Variants in MSRB3 observed in about 807,000 individuals in gnomAD.
MSRB3 encodes the protein methionine sulfoxide reductase B3.
Under a neutral mutation model 21.0 loss-of-function variants are expected in MSRB3, and 13 were observed. The observed-to-expected ratio is 0.62, with a 90% CI of 0.40 to 0.98. The LOEUF (loss-of-function observed/expected upper bound fraction) is 0.98. Ranked by LOEUF, MSRB3 falls within the 50% of genes least tolerant of loss-of-function variation. The pLI is 0.00. For synonymous variants in MSRB3, 87 were observed against 88.6 expected (o/e 0.98, Z 0.10); for missense variants, 199 against 230.3 (o/e 0.86, Z 0.88).
At chr12:65,396,695 AAAAAAAAAAAAAG>A (rs777582949) in intron 5 of MSRB3, among the ~76,000 whole-genome samples, 17,645 of 66,022 alleles carry the variant, frequency 0.27, 1,481 homozygotes, top group Admixed American at 0.4. Flanking sequence ...CCATCTCAAA[AAAAAAAAAAAAAG>A]AAAGAAAGAA....
chr12:65,322,600 G>A (rs1785225107), intron 2 of MSRB3, among the ~76,000 whole-genome samples: 1 of 145,656 alleles, frequency 6.9e-6, no homozygotes, highest in Non-Finnish European at 1.5e-5. Flanking sequence ...TGCAGAGGTT[G>A]CAGTGAGCTG....
At chr12:65,367,996 A>G (rs150195843) in intron 4 of MSRB3, among the ~76,000 whole-genome samples, 1 of 152,290 alleles carries the variant, frequency 6.6e-6, no homozygotes, top group Non-Finnish European at 1.5e-5. Flanking sequence ...CAGAAAATGA[A>G]TGTTTATGAC....
At chr12:65,368,278 G>C (rs12229918) in intron 4 of MSRB3, among the ~76,000 whole-genome samples, 39,001 of 152,132 alleles carry the variant, frequency 0.26, 6,227 homozygotes, top group Middle Eastern at 0.45. Context: ...GTTGATGTGT[G>C]ATATAAATCC....
At chr12:65,393,470 A>C (rs1879594875) in intron 5 of MSRB3, among the ~76,000 whole-genome samples, 2 of 151,924 alleles carry the variant, frequency 1.3e-5, no homozygotes, top group African/African-American at 4.8e-5. Flanking sequence ...CGTCTCTACC[A>C]AAAATACAAA....
chr12:65,420,456 T>A (rs1048350875), intron 5 of MSRB3, among the ~76,000 whole-genome samples: 2 of 152,048 alleles, frequency 1.3e-5, no homozygotes, highest in African/African-American at 4.8e-5. Flanking sequence ...TAAAAATCTT[T>A]ATTTTTTTAA....
chr12:65,419,997 C>A, intron 5 of MSRB3: 1 of 505,370 alleles, frequency 2.0e-6, no homozygotes, highest in East Asian at 5.2e-5. Flanking sequence ...AGTTGGTGGA[C>A]AAGGTGGAGC....
intron 5 of MSRB3, among the ~76,000 whole-genome samples, chr12:65,447,450 T>C (rs1220894606): frequency 6.6e-6 from 1 of 152,204 alleles, no homozygotes; most frequent in Non-Finnish European, 1.5e-5. Context: ...TTTGAAAAGA[T>C]ACTTTGTTTA....
chr12:65,456,055 T>G (rs1883076793), intron 6 of MSRB3, among the ~76,000 whole-genome samples: 1 of 152,204 alleles, frequency 6.6e-6, no homozygotes, highest in Admixed American at 6.5e-5. Context: ...AGTTTTAAAT[T>G]CAATTAAATT....
chr12:65,347,386 T>G (rs1466512291), intron 4 of MSRB3, among the ~76,000 whole-genome samples: 2 of 152,180 alleles, frequency 1.3e-5, no homozygotes, highest in South Asian at 2.1e-4. Flanking sequence ...GCTCTCTGTT[T>G]GTCTGTTATT....
chr12:65,282,782 C>T (rs1872116133), intron 1 of MSRB3, among the ~76,000 whole-genome samples: 1 of 151,354 alleles, frequency 6.6e-6, no homozygotes, highest in Admixed American at 6.6e-5. Flanking sequence ...AGCCTTGATC[C>T]TAAATTCCTG....
chr12:65,398,928 G>A lies in MSRB3; in HGVS notation c.292+29902G>A, dbSNP rs542357772. 1.7e-3 allele frequency among the ~76,000 whole-genome samples: 254 copies of A among 151,998 alleles called. 1 individual carries two copies. Among genetic ancestry groups the A allele is most frequent in the Non-Finnish European group, 3.1e-3 (213 of 67,974 alleles). On this transcript the variant is annotated intron_variant, in intron 5 of 6. Coordinates refer to ENST00000308259, the MANE Select transcript of MSRB3 (RefSeq NM_001031679.3). ...GATCAGAGGGTTGTAGGTGTGTGGCGTTATTTCTGAGGCCTCTGTTCTGTT... is the reference window on the plus strand; with the variant it reads ...GATCAGAGGGTTGTAGGTGTGTGGCATTATTTCTGAGGCCTCTGTTCTGTT...
chr12:65,338,872 C>T (rs969066847), intron 4 of MSRB3, among the ~76,000 whole-genome samples: 2 of 152,060 alleles, frequency 1.3e-5, no homozygotes, highest in East Asian at 1.9e-4. Flanking sequence ...CTCAGGAGTT[C>T]GAGACCAGCC....
intron 5 of MSRB3, chr12:65,419,225 C>A: frequency 2.8e-6 from 2 of 718,788 alleles, no homozygotes; most frequent in South Asian, 2.9e-5. Context: ...TTGTCCAGCC[C>A]TTCTCAGTTC....
intron 6 of MSRB3, among the ~76,000 whole-genome samples, chr12:65,460,817 C>A (rs1439451609): frequency 6.7e-6 from 1 of 149,636 alleles, no homozygotes. Context: ...AATACTAGTA[C>A]CAGATTAGCA....
chr12:65,379,734 A>G (rs1406030874), intron 5 of MSRB3, among the ~76,000 whole-genome samples: 5 of 152,176 alleles, frequency 3.3e-5, no homozygotes, highest in Non-Finnish European at 7.4e-5. Context: ...TGGGAAGTAT[A>G]TTTTGCTCCA....
chr12:65,367,156 A>C (rs1258784008), intron 4 of MSRB3, among the ~76,000 whole-genome samples: 1 of 152,254 alleles, frequency 6.6e-6, no homozygotes, highest in Non-Finnish European at 1.5e-5. Context: ...AGATTAGGAA[A>C]GGGAGATAGA....
In MSRB3 at chr12:65,426,458, G is replaced by A. The variant is rs191749929; in HGVS notation, c.293-27270G>A. ...TTAAATGTGATTGCTTCTTTCCTCT[G>A]GCTGTTTTCAGAATTCTCTCTGTCT... On this transcript the variant is annotated intron_variant, in intron 5 of 6. Coordinates refer to ENST00000308259, the MANE Select transcript of MSRB3 (RefSeq NM_001031679.3). 1.3e-3 allele frequency among the ~76,000 whole-genome samples: 205 copies of A among 152,068 alleles called. 1 individual carries two copies. Among genetic ancestry groups the A allele is most frequent in the African/African-American group, 4.7e-3 (195 of 41,486 alleles).
At chr12:65,375,137 G>A (rs1396205812) in intron 5 of MSRB3, among the ~76,000 whole-genome samples, 2 of 151,850 alleles carry the variant, frequency 1.3e-5, no homozygotes, top group African/African-American at 4.8e-5. Flanking sequence ...GAGCCACCGC[G>A]CCCGGCCTAT....
At chr12:65,313,700 G>C (rs1874125389) in intron 2 of MSRB3, among the ~76,000 whole-genome samples, 1 of 152,032 alleles carries the variant, frequency 6.6e-6, no homozygotes, top group East Asian at 1.9e-4. Context: ...CTTGTGTTCA[G>C]ATTAATGCCC....
Sources: allele counts gnomAD v4.1 joint callset (sites outside exome capture counted in the v4.1 genomes callset), GRCh38; gene constraint gnomAD v4.1.1; transcripts MANE v1.5; gene names NCBI Gene and HGNC (gene_info 2026-07-23, HGNC 2026-07-21).